DRC7: variants seen among roughly 807,000 people sequenced by gnomAD.
The protein encoded by DRC7 is dynein regulatory complex subunit 7, also known as coiled-coil domain containing 135.
A neutral mutation model predicts 104.4 loss-of-function variants in DRC7; 80 were observed. That is an observed-to-expected ratio of 0.77 (90% CI 0.64 to 0.92). The LOEUF (loss-of-function observed/expected upper bound fraction) is 0.92. Ranked by LOEUF, DRC7 falls within the 40% of genes least tolerant of loss-of-function variation. DRC7 has a pLI of 0.00. For synonymous variants in DRC7, 405 were observed against 447.3 expected (o/e 0.91, Z 1.19); for missense variants, 1,034 against 1,141.1 (o/e 0.91, Z 1.35).
chr16:57,715,437 G>C (rs559418045), intron 8 of DRC7, among the ~76,000 whole-genome samples: 1 of 152,188 alleles, frequency 6.6e-6, no homozygotes, highest in Non-Finnish European at 1.5e-5. Context: ...CCCTGCGGGA[G>C]ACAGGCAGAC....
At chr16:57,700,366 A>G in intron 5 of DRC7, 96 bp downstream of exon 5, 6 of 1,471,438 alleles carry the variant, frequency 4.1e-6, no homozygotes, top group Non-Finnish European at 5.5e-6. Context: ...ATGGACTTAG[A>G]GGCCGGGCGT....
At position 57,698,897 on chromosome 16, in the gene DRC7, A is replaced by G. The variant is rs1175568130; in HGVS notation, c.251A>G (p.Tyr84Cys). 6 of 1,614,098 alleles carry G rather than the reference A, an allele frequency of 3.7e-6. No homozygotes were observed. The highest frequency in any genetic ancestry group is 3.3e-4 in the Middle Eastern group (2 of 6,062). ...GACATCTCCAAGCTGCCCATTTCCT[A>G]CAAAACCAACACACCCAAGGAGGAA... ...TIDISKLPIS[Y>C]KTNTPKEEHL... Residue 84 changes from tyrosine (Y) to cysteine (C), a missense_variant, in exon 4 of 19, where the codon TAC becomes TGC. Tyr to Cys is a radical substitution (Grantham distance 194). Transcript: ENST00000360716.
chr16:57,724,865 C>T (rs1355406969), intron 13 of DRC7, 30 bp downstream of exon 13: 18 of 1,561,608 alleles, frequency 1.2e-5, no homozygotes, highest in South Asian at 9.1e-5. Context: ...GGGGACAGGT[C>T]GCCCTCCTTC....
chr16:57,715,494 C>G (rs1370382803), intron 8 of DRC7, among the ~76,000 whole-genome samples: 2 of 152,214 alleles, frequency 1.3e-5, no homozygotes, highest in Non-Finnish European at 2.9e-5. Flanking sequence ...GTGAAGAAGT[C>G]AGAAGCTCTG....
intron 6 of DRC7, among the ~76,000 whole-genome samples, chr16:57,703,687 C>A (rs958363461): frequency 2.0e-5 from 3 of 152,148 alleles, no homozygotes; most frequent in African/African-American, 7.2e-5. Context: ...TGGCTGGGCA[C>A]GGTGGCTCAT....
chr16:57,727,640 G>A (rs371258043), intron 16 of DRC7, among the ~76,000 whole-genome samples: 23 of 152,316 alleles, frequency 1.5e-4, no homozygotes, highest in African/African-American at 5.5e-4. Context: ...CCAAGCCAAG[G>A]CCTGTGGTTG....
chr16:57,705,710 TCATCCTCCCATCCATC>T (rs1448298144), intron 7 of DRC7, among the ~76,000 whole-genome samples: 1 of 83,870 alleles, frequency 1.2e-5, no homozygotes, highest in Non-Finnish European at 2.4e-5. Context: ...CTCCCATCCA[TCATCCTCCCATCCATC>T]CATCCTCCCA....
intron 10 of DRC7, 139 bp downstream of exon 10, chr16:57,721,878 CCCT>C (rs2048906879): frequency 5.6e-5 from 32 of 576,472 alleles, no homozygotes; most frequent in Admixed American, 2.4e-4. Flanking sequence ...TTCAGCTGCA[CCCT>C]CCCTCCCTCC....
chr16:57,719,111 A>G (rs1261503506), intron 9 of DRC7, among the ~76,000 whole-genome samples: 2 of 152,054 alleles, frequency 1.3e-5, no homozygotes, highest in African/African-American at 4.8e-5. Flanking sequence ...AGCCATCATG[A>G]GCCCCACATG....
chr16:57,731,529 C>G lies in DRC7; in HGVS notation c.*271C>G, dbSNP rs1423448465. 2.0e-5 allele frequency: 10 copies of G among 496,250 alleles called. No homozygotes were observed. The highest frequency in any genetic ancestry group is 9.7e-5 in the African/African-American group (5 of 51,540). 30.7% of individuals were successfully genotyped at this position (496,250 alleles called of 1,614,324 possible). ...TGTTATCTATAGCCTGGGACCACCC[C>G]CTTCCTCCCCTTGGCCTGTCGTTTG... On this transcript the variant is annotated 3_prime_UTR_variant, in exon 19 of 19. Transcript: ENST00000360716.
chr16:57,726,077 G>C lies in DRC7; in HGVS notation c.1768G>C (p.Glu590Gln). 6.2e-7 allele frequency: 1 copy of C among 1,613,080 alleles called. No homozygotes were observed. Among genetic ancestry groups the C allele is most frequent in the Non-Finnish European group, 8.5e-7 (1 of 1,179,816 alleles). ...SNPRPIVKIT[E>Q]RFFRNPAKPA... ...TGTTCTGGCCTCCCAGAAAATCACAGAGCGGTTCTTCCGCAACCCAGCGAA... is the reference window on the plus strand; with the variant it reads ...TGTTCTGGCCTCCCAGAAAATCACACAGCGGTTCTTCCGCAACCCAGCGAA... The change falls in exon 14 of 19, where the codon GAG becomes CAG. Residue 590 changes from glutamate (E) to glutamine (Q), a missense_variant. Transcript: ENST00000360716.
At position 57,702,126 on chromosome 16, in the gene DRC7, A is replaced by G. The variant is rs1403239570; in HGVS notation, c.695A>G (p.Lys232Arg). ...GTGTGCCCACTCACTGTGAAGCCCA[A>G]GGAGGTATGGTCGGGCTTGAGCTGC... The part of the protein sequence containing the change: ...REVCPLTVKP[K>R]ETIKKEEKVL... The change falls in exon 6 of 19, where the codon AAG becomes AGG. Residue 232 changes from lysine to arginine, a missense_variant. Transcript: ENST00000360716. 30 of 1,613,970 alleles carry G rather than the reference A, an allele frequency of 1.9e-5. No individual in the cohort carries two copies. The highest frequency in any genetic ancestry group is 2.1e-5 in the Non-Finnish European group (25 of 1,180,008).
chr16:57,704,514 T>C (rs1458407632), intron 6 of DRC7, among the ~76,000 whole-genome samples: 1 of 152,144 alleles, frequency 6.6e-6, no homozygotes, highest in Non-Finnish European at 1.5e-5. Flanking sequence ...CACTTCTGGA[T>C]CAGACCCAGG....
intron 8 of DRC7, chr16:57,714,631 C>G: frequency 5.7e-6 from 1 of 176,724 alleles, no homozygotes; most frequent in Non-Finnish European, 1.2e-5. Flanking sequence ...CTCTCTCTCT[C>G]TGTCACACAC....
In DRC7 at chr16:57,698,954, G is replaced by C. The variant is rs202029235; in HGVS notation, c.308G>C (p.Arg103Pro). 4 of 1,614,170 alleles carry C rather than the reference G, an allele frequency of 2.5e-6. No homozygotes were observed. In the East Asian group the frequency reaches 8.9e-5, roughly 36 times the overall value. The change falls in exon 4 of 19, where the codon CGC (arginine) becomes CCC (proline). Residue 103 changes from arginine to proline, a missense_variant. Arg to Pro is a moderately radical substitution (Grantham distance 103). Transcript: ENST00000360716. ...HLLQVADNFS[R>P]QYSHLCPDRV... ...CTGCAGGTGGCAGACAACTTCTCCC[G>C]CCAGTACAGCCATCTGTGCCCGGAC...
chr16:57,701,964 T>A lies in DRC7; in HGVS notation c.533T>A (p.Val178Glu). The change falls in exon 6 of 19, where the codon GTG becomes GAG. Residue 178 changes from valine (V) to glutamate (E), a missense_variant. Val to Glu is a moderately radical substitution (Grantham distance 121). Transcript: ENST00000360716. ...TCGCACCTGTACTCCTCGACCACTG[T>A]GCTCAAGTACCAGAAGGGGAACTGC... ...PPSHLYSSTT[V>E]LKYQKGNCFD... 1 of 1,614,166 alleles carries A rather than the reference T, an allele frequency of 6.2e-7. No homozygotes were observed. The highest frequency in any genetic ancestry group is 8.5e-7 in the Non-Finnish European group (1 of 1,180,020).
chr16:57,723,810 T>G (rs35178966), intron 12 of DRC7, among the ~76,000 whole-genome samples: 7,497 of 135,142 alleles, frequency 0.055, 432 homozygotes, highest in East Asian at 0.25. Context: ...ATGATCAACC[T>G]CATTTGGAAG....
At chr16:57,715,126 C>A (rs1483819008) in intron 8 of DRC7, among the ~76,000 whole-genome samples, 3 of 151,858 alleles carry the variant, frequency 2.0e-5, no homozygotes, top group Non-Finnish European at 4.4e-5. Context: ...TGGCACACTG[C>A]AATCCCCGCC....
intron 8 of DRC7, among the ~76,000 whole-genome samples, chr16:57,712,576 T>C (rs1479278260): frequency 6.6e-6 from 1 of 152,244 alleles, no homozygotes; most frequent in African/African-American, 2.4e-5. Flanking sequence ...CTGATCTTTA[T>C]TATTTTATAC....
Sources: allele counts gnomAD v4.1 joint callset (sites outside exome capture counted in the v4.1 genomes callset), GRCh38; gene constraint gnomAD v4.1.1; transcripts MANE v1.5; gene names NCBI Gene and HGNC (gene_info 2026-07-23, HGNC 2026-07-21).